The following HS2ST1 variants were observed in gnomAD, a reference collection of about 807,000 sequenced individuals.
The protein encoded by HS2ST1 is 2-O-sulfotransferase.
A neutral mutation model predicts 42.9 loss-of-function variants in HS2ST1; 18 were observed. The observed-to-expected ratio is 0.42, with a 90% CI of 0.29 to 0.62. HS2ST1 has a LOEUF of 0.62. Ranked by LOEUF, HS2ST1 falls within the 20% of genes least tolerant of loss-of-function variation. The pLI, the probability that HS2ST1 is intolerant of heterozygous loss-of-function variation, is 0.21. For missense variants in HS2ST1, 334 were observed against 433.8 expected, an observed-to-expected ratio of 0.77 and a Z score of 2.04; for synonymous variants, 146 against 152.9, an observed-to-expected ratio of 0.95 and a Z score of 0.33.
At chr1:87,079,315 T>G (rs943530892) in intron 2 of HS2ST1, among the ~76,000 whole-genome samples, 1 of 152,034 alleles carries the variant, frequency 6.6e-6, no homozygotes, top group Non-Finnish European at 1.5e-5. Context: ...TTTTTTGTAT[T>G]TTAGTAGGGA....
In HS2ST1 at chr1:87,006,469, G is replaced by A. The variant is rs147741926; in HGVS notation, c.125-66465G>A. Among the ~76,000 whole-genome samples, 238 of 152,204 alleles carry A rather than the reference G, an allele frequency of 1.6e-3. 1 individual carries two copies. The highest frequency in any genetic ancestry group is 5.4e-3 in the African/African-American group (223 of 41,556). On this transcript the variant is annotated intron_variant, in intron 1 of 6. Coordinates refer to ENST00000370550, the MANE Select transcript of HS2ST1 (RefSeq NM_012262.4). ...TGGTTTGCATATATAGGCAATGCCTGTCTACTGATTGATGAAGCCTATTAT... is the reference window on the plus strand; with the variant it reads ...TGGTTTGCATATATAGGCAATGCCTATCTACTGATTGATGAAGCCTATTAT...
At chr1:87,092,993 G>A (rs1461178057) in intron 4 of HS2ST1, among the ~76,000 whole-genome samples, 4 of 151,906 alleles carry the variant, frequency 2.6e-5, no homozygotes, top group Non-Finnish European at 2.9e-5. Context: ...GGTTCTCTAA[G>A]TATTGATGGC....
chr1:86,983,735 A>G (rs535195010), intron 1 of HS2ST1, among the ~76,000 whole-genome samples: 33 of 146,648 alleles, frequency 2.3e-4, no homozygotes, highest in Non-Finnish European at 3.8e-4. Context: ...CGGGGTGCTT[A>G]TTTAAAAAAA....
At chr1:86,999,472 C>T (rs1649214603) in intron 1 of HS2ST1, among the ~76,000 whole-genome samples, 1 of 152,190 alleles carries the variant, frequency 6.6e-6, no homozygotes, top group African/African-American at 2.4e-5. Flanking sequence ...GCCACCACAC[C>T]TGGCCTTTTA....
chr1:86,963,269 C>CAA (rs950055212), intron 1 of HS2ST1, among the ~76,000 whole-genome samples: 2 of 151,510 alleles, frequency 1.3e-5, no homozygotes, highest in Non-Finnish European at 1.5e-5. Flanking sequence ...AACAAGTGAA[C>CAA]AAAGGTCTCT....
At chr1:86,975,334 G>A (rs1260546400) in intron 1 of HS2ST1, among the ~76,000 whole-genome samples, 1 of 150,302 alleles carries the variant, frequency 6.7e-6, no homozygotes, top group Non-Finnish European at 1.5e-5. Context: ...AAGAAGTACT[G>A]TTGTAATTTA....
chr1:86,994,202 T>A (rs1244533796), intron 1 of HS2ST1, among the ~76,000 whole-genome samples: 1 of 152,246 alleles, frequency 6.6e-6, no homozygotes, highest in Non-Finnish European at 1.5e-5. Flanking sequence ...GAAAGCTTAA[T>A]ATAATCATTT....
chr1:86,941,462 A>T (rs1660760896), intron 1 of HS2ST1, among the ~76,000 whole-genome samples: 1 of 151,670 alleles, frequency 6.6e-6, no homozygotes, highest in South Asian at 2.1e-4. Flanking sequence ...ATATTAATGT[A>T]CATCTACATT....
rs1047938889 is a variant in HS2ST1 at position 87,105,706 on chromosome 1, A to G, written c.*1010A>G. Reference sequence around the variant, plus strand: ...ACCAAAAGGTTACAAGTAATTAGACAAAAGTGGTTTTGCACCAATTTTATG... The same window carrying G: ...ACCAAAAGGTTACAAGTAATTAGACGAAAGTGGTTTTGCACCAATTTTATG... On this transcript the variant is annotated 3_prime_UTR_variant, in exon 7 of 7. Coordinates refer to ENST00000370550, the MANE Select transcript of HS2ST1 (RefSeq NM_012262.4). 7.2e-5 allele frequency: 11 copies of G among 152,558 alleles called. No homozygotes were observed. The highest frequency in any genetic ancestry group is 1.9e-4 in the African/African-American group (8 of 41,460). The allele number at this position is 152,558 out of a possible 1,614,324, so 9.5% of individuals were successfully genotyped here. A position where few individuals can be genotyped will look rare whatever the true frequency, so the allele number is the denominator to read the frequency against.
chr1:87,041,164 T>G (rs147070489), intron 1 of HS2ST1, among the ~76,000 whole-genome samples: 19 of 142,750 alleles, frequency 1.3e-4, no homozygotes, highest in Non-Finnish European at 2.3e-4. Flanking sequence ...GAAGACCACA[T>G]TAAATTCCCA....
chr1:86,973,234 T>A (rs533081615), intron 1 of HS2ST1, among the ~76,000 whole-genome samples: 31 of 151,172 alleles, frequency 2.1e-4, no homozygotes, highest in East Asian at 3.9e-4. Context: ...TTTTTTTTTT[T>A]AAATCTAACT....
At chr1:86,987,074 T>TG (rs1185726442) in intron 1 of HS2ST1, among the ~76,000 whole-genome samples, 4 of 148,604 alleles carry the variant, frequency 2.7e-5, no homozygotes, top group Non-Finnish European at 6.0e-5. Flanking sequence ...CCAGGTTTTT[T>TG]TTTTTTTTTT....
chr1:86,985,383 T>TATATATATACACACACACACACAC (rs1413099470), intron 1 of HS2ST1, among the ~76,000 whole-genome samples: 3 of 44,752 alleles, frequency 6.7e-5, no homozygotes, highest in African/African-American at 1.5e-4. Context: ...TATATATATA[T>TATATATATACACACACACACACAC]ACACACACAC....
chr1:86,962,521 C>G (rs1314196356), intron 1 of HS2ST1, among the ~76,000 whole-genome samples: 1 of 151,952 alleles, frequency 6.6e-6, no homozygotes, highest in East Asian at 1.9e-4. Flanking sequence ...ATTGTAGAAT[C>G]GAGCCTCCCC....
chr1:87,051,819 A>G (rs1650840608), intron 1 of HS2ST1, among the ~76,000 whole-genome samples: 1 of 152,216 alleles, frequency 6.6e-6, no homozygotes, highest in African/African-American at 2.4e-5. Flanking sequence ...GCAAAGGAAG[A>G]CAGTTTTTGG....
chr1:87,002,887 G>A (rs1240163079), intron 1 of HS2ST1, among the ~76,000 whole-genome samples: 1 of 152,156 alleles, frequency 6.6e-6, no homozygotes, highest in Non-Finnish European at 1.5e-5. Flanking sequence ...AATGGCTCTT[G>A]CAACTTTTTA....
chr1:87,093,827 G>T (rs1365095997), intron 4 of HS2ST1, among the ~76,000 whole-genome samples: 2 of 152,072 alleles, frequency 1.3e-5, no homozygotes, highest in East Asian at 3.9e-4. Context: ...TATACCCTCT[G>T]TGTCACATGA....
At chr1:86,972,444 A>C in intron 1 of HS2ST1, among the ~76,000 whole-genome samples, 1 of 152,128 alleles carries the variant, frequency 6.6e-6, no homozygotes, top group Non-Finnish European at 1.5e-5. Context: ...CTTGAACTCT[A>C]GGGCTCAAGC....
chr1:87,065,531 G>A (rs368912851), intron 1 of HS2ST1, among the ~76,000 whole-genome samples: 2 of 152,150 alleles, frequency 1.3e-5, no homozygotes, highest in South Asian at 2.1e-4. Context: ...ATTGTCCTAG[G>A]AGCTGTTTTG....
Sources: allele counts gnomAD v4.1 joint callset (sites outside exome capture counted in the v4.1 genomes callset), GRCh38; gene constraint gnomAD v4.1.1; transcripts MANE v1.5; gene names NCBI Gene and HGNC (gene_info 2026-07-23, HGNC 2026-07-21).